Variants in BNC2 observed in about 807,000 individuals in gnomAD.
BNC2 encodes the protein zinc finger protein basonuclin-2.
In BNC2, 20 loss-of-function variants were observed where a neutral mutation model predicts 76.3. The ratio of observed to expected loss-of-function variants is 0.26; its 90% CI spans 0.18 to 0.38. The LOEUF is 0.38. Among genes scored for constraint, BNC2 ranks in the 10% least tolerant of loss-of-function variants. The pLI is 1.00. For missense variants in BNC2, 1,382 were observed against 1,399.8 expected, an observed-to-expected ratio of 0.99 and a Z score of 0.20; for synonymous variants, 582 against 514.8, an observed-to-expected ratio of 1.13 and a Z score of -1.77.
intron 5 of BNC2, among the ~76,000 whole-genome samples, chr9:16,546,230 A>G (rs1283888886): frequency 1.3e-5 from 2 of 152,228 alleles, no homozygotes; most frequent in Non-Finnish European, 2.9e-5. Context: ...TAGACACTCA[A>G]AGGTAGAGAC....
intron 1 of BNC2, among the ~76,000 whole-genome samples, chr9:16,822,466 T>C (rs1401485486): frequency 6.6e-6 from 1 of 152,066 alleles, no homozygotes; most frequent in Non-Finnish European, 1.5e-5. Context: ...GTATTTAAAG[T>C]AGGGTTAGTA....
intron 3 of BNC2, among the ~76,000 whole-genome samples, chr9:16,681,329 G>A (rs564355202): frequency 2.0e-5 from 3 of 152,242 alleles, no homozygotes; most frequent in South Asian, 2.1e-4. Context: ...ACATTTTATC[G>A]GAGGGGAAAA....
chr9:16,584,178 A>G (rs1178466676), intron 3 of BNC2, among the ~76,000 whole-genome samples: 6 of 152,006 alleles, frequency 3.9e-5, no homozygotes, highest in African/African-American at 1.2e-4. Flanking sequence ...GCAATCAATG[A>G]TTACTGATTC....
rs1554743597 is a variant in BNC2, at chr9:16,819,823, T to TA, written c.3+50822dup. Among the ~76,000 whole-genome samples the TA allele has an allele frequency of 5.3e-5, 8 of 151,772 alleles. No individual in the cohort carries two copies. The South Asian group carries it at 1.0e-3, about 20-fold the overall frequency. ...CTCTGTGAGATATGTATTTTTTTTT[T>TA]ATCTCTAAAAATGGCAATAGGCCAG... On this transcript the variant is annotated intron_variant, in intron 1 of 6. Transcript: ENST00000380672.
chr9:16,525,738 G>C lies in BNC2; in HGVS notation c.669+26792C>G, dbSNP rs148680989. On this transcript the variant is annotated intron_variant, in intron 5 of 6. Coordinates refer to ENST00000380672, the MANE Select transcript of BNC2 (RefSeq NM_017637.6). ...CAAGATATATTATTAAGTGAAAAAG[G>C]AAAAGTGCAGAATAATGTGCTCACT... is the stretch of plus-strand genomic sequence containing the variant. Among the ~76,000 whole-genome samples the C allele has an allele frequency of 5.7e-3, 869 of 152,248 alleles. 10 individuals carry two copies. The highest frequency in any genetic ancestry group is 0.02 in the African/African-American group (825 of 41,548).
intron 5 of BNC2, among the ~76,000 whole-genome samples, chr9:16,457,448 C>G (rs1322662071): frequency 6.6e-6 from 1 of 152,152 alleles, no homozygotes; most frequent in Admixed American, 6.5e-5. Context: ...GCAGCATCAG[C>G]ACAGGGCAAC....
intron 1 of BNC2, among the ~76,000 whole-genome samples, chr9:16,789,510 C>A (rs1037534516): frequency 6.6e-6 from 1 of 152,164 alleles, no homozygotes. Context: ...CCTGTGCTTT[C>A]CATGCAGAAG....
intron 1 of BNC2, among the ~76,000 whole-genome samples, chr9:16,798,555 T>A (rs2135730021): frequency 6.6e-6 from 1 of 152,276 alleles, no homozygotes; most frequent in African/African-American, 2.4e-5. Context: ...ACTAGACTTC[T>A]AAGTAATTTT....
At chr9:16,718,452 T>C (rs1011553771) in intron 3 of BNC2, among the ~76,000 whole-genome samples, 1 of 152,240 alleles carries the variant, frequency 6.6e-6, no homozygotes, top group African/African-American at 2.4e-5. Context: ...AGTCCCATGA[T>C]TACTTTCCAA....
intron 1 of BNC2, among the ~76,000 whole-genome samples, chr9:16,833,819 T>C (rs1387261160): frequency 6.6e-6 from 1 of 152,134 alleles, no homozygotes; most frequent in African/African-American, 2.4e-5. Context: ...TAACTCTTGG[T>C]CCTTAACATG....
At chr9:16,580,373 T>C (rs1029330578) in intron 4 of BNC2, among the ~76,000 whole-genome samples, 1 of 152,160 alleles carries the variant, frequency 6.6e-6, no homozygotes, top group Middle Eastern at 3.4e-3. Flanking sequence ...GTGATAATTG[T>C]AAAGGAAAGA....
chr9:16,773,499 C>T (rs111591335), intron 1 of BNC2, among the ~76,000 whole-genome samples: 2 of 137,138 alleles, frequency 1.5e-5, no homozygotes, highest in African/African-American at 2.7e-5. Flanking sequence ...GAGGACTACA[C>T]GTCATGCAAT....
intron 3 of BNC2, among the ~76,000 whole-genome samples, chr9:16,702,159 C>T (rs950695885): frequency 6.6e-6 from 1 of 152,108 alleles, no homozygotes; most frequent in African/African-American, 2.4e-5. Flanking sequence ...ATGTTGACTG[C>T]TGCTGTTTTG....
At chr9:16,865,898 C>T (rs1819532510) in intron 1 of BNC2, among the ~76,000 whole-genome samples, 1 of 152,184 alleles carries the variant, frequency 6.6e-6, no homozygotes, top group South Asian at 2.1e-4. Context: ...GCTCTTTGAA[C>T]AGCCAAATTA....
intron 4 of BNC2, among the ~76,000 whole-genome samples, chr9:16,557,280 C>A (rs983187776): frequency 6.6e-6 from 1 of 152,036 alleles, no homozygotes; most frequent in Admixed American, 6.6e-5. Context: ...GGGCGAATAA[C>A]CCGAGGTCAG....
chr9:16,446,310 T>C (rs1321313091), intron 5 of BNC2, among the ~76,000 whole-genome samples: 6 of 152,096 alleles, frequency 3.9e-5, no homozygotes, highest in East Asian at 3.9e-4. Context: ...AAAAAGTACA[T>C]AGTCAAAAGA....
At chr9:16,465,569 G>A (rs578072925) in intron 5 of BNC2, among the ~76,000 whole-genome samples, 2 of 151,824 alleles carry the variant, frequency 1.3e-5, no homozygotes, top group East Asian at 1.9e-4. Context: ...GGTCACAATT[G>A]TATACTGGTT....
intron 1 of BNC2, among the ~76,000 whole-genome samples, chr9:16,791,303 C>T (rs979062780): frequency 4.6e-5 from 7 of 152,008 alleles, no homozygotes; most frequent in Non-Finnish European, 7.4e-5. Flanking sequence ...CATCGTGATC[C>T]GCCTGCCTCG....
intron 1 of BNC2, chr9:16,868,051 G>C (rs958052698): frequency 6.6e-6 from 1 of 152,110 alleles, no homozygotes. Context: ...AGGGGACTGC[G>C]GCTGCAACAT....
Sources: allele counts gnomAD v4.1 joint callset (sites outside exome capture counted in the v4.1 genomes callset), GRCh38; gene constraint gnomAD v4.1.1; transcripts MANE v1.5; gene names NCBI Gene and HGNC (gene_info 2026-07-23, HGNC 2026-07-21).